The following FOXO1 variants were observed in gnomAD, a reference collection of about 807,000 sequenced individuals.
The protein encoded by FOXO1 is forkhead box O1, also known as forkhead box protein O1.
A neutral mutation model predicts 44.1 loss-of-function variants in FOXO1; 6 were observed. That is an observed-to-expected ratio of 0.14 (90% CI 0.07 to 0.27). The LOEUF is 0.27. Ranked by LOEUF, FOXO1 falls within the 10% of genes least tolerant of loss-of-function variation. The probability of loss-of-function intolerance (pLI) is 1.00; values close to 1 mark genes in which losing one functional copy is unlikely to be tolerated. For synonymous variants in FOXO1, 380 were observed against 362.7 expected, an observed-to-expected ratio of 1.05 and a Z score of -0.54; for missense variants, 737 against 888.8, an observed-to-expected ratio of 0.83 and a Z score of 2.17.
chr13:40,597,474 C>T (rs115124210), intron 1 of FOXO1, among the ~76,000 whole-genome samples: 2,385 of 152,224 alleles, frequency 0.016, 63 homozygotes, highest in African/African-American at 0.054. Flanking sequence ...TTTATCAGTC[C>T]GAGCTGCATC....
At chr13:40,579,031 A>G (rs1163969079) in intron 1 of FOXO1, among the ~76,000 whole-genome samples, 4 of 152,252 alleles carry the variant, frequency 2.6e-5, no homozygotes, top group African/African-American at 4.8e-5. Context: ...CTGACTGGAC[A>G]CATTTTTACA....
rs924995701 is a variant in FOXO1, at chr13:40,558,909, A to C, written c.*140T>G. ...CTGCCAAGTCTGACGAAAGGAAAAA[A>C]GGAGGGTTTTTTTTTTTGTTTTTTT... On this transcript the variant is annotated 3_prime_UTR_variant, in exon 3 of 3. Coordinates refer to ENST00000379561, the MANE Select transcript of FOXO1 (RefSeq NM_002015.4). The C allele has an allele frequency of 1.5e-5, 6 of 390,206 alleles. No individual in the cohort carries two copies. Among genetic ancestry groups the C allele is most frequent in the Non-Finnish European group, 2.7e-5 (6 of 224,490 alleles). The allele number at this position is 390,206 out of a possible 1,614,324, so 24.2% of individuals were successfully genotyped here. A position where few individuals can be genotyped will look rare whatever the true frequency, so the allele number is the denominator to read the frequency against.
intron 2 of FOXO1, among the ~76,000 whole-genome samples, 154 bp from the exon 3 acceptor site, chr13:40,559,188 G>A (rs1355139950): frequency 1.3e-5 from 2 of 152,034 alleles, no homozygotes; most frequent in South Asian, 2.1e-4. Flanking sequence ...ATCATTCAAT[G>A]GGGAAAATTC....
At chr13:40,648,427 A>G (rs1813809927) in intron 1 of FOXO1, among the ~76,000 whole-genome samples, 1 of 152,238 alleles carries the variant, frequency 6.6e-6, no homozygotes. Flanking sequence ...AAACTAGTCA[A>G]AAAATAAATC....
At position 40,640,117 on chromosome 13, in the gene FOXO1, A is replaced by G. The variant is rs371977360; in HGVS notation, c.630+25466T>C. On this transcript the variant is annotated intron_variant, in intron 1 of 2. Transcript: ENST00000379561. ...TCCTTGAATAAAACAAACATTAAAA[A>G]CTCTAGATAATCCTACACTAAAATA... 3.3e-5 allele frequency among the ~76,000 whole-genome samples: 5 copies of G among 152,114 alleles called. No individual in the cohort carries two copies. In the East Asian group the frequency reaches 9.6e-4, roughly 29 times the overall value.
intron 1 of FOXO1, among the ~76,000 whole-genome samples, chr13:40,609,713 G>T (rs1232728141): frequency 6.6e-6 from 1 of 152,062 alleles, no homozygotes. Context: ...CAGGGTGGGG[G>T]GGAAAAAAAT....
Position 40,665,919 on chromosome 13 carries a change from GGCCGCCGCCGCCACC to G in FOXO1, c.279_293del (p.Val94_Ala98del). 7 of 1,198,884 alleles carry G rather than the reference GGCCGCCGCCGCCACC, an allele frequency of 5.8e-6. No homozygotes were observed. The highest frequency in any genetic ancestry group is 8.3e-5 in the South Asian group (2 of 24,204). The allele number at this position is 1,198,884 out of a possible 1,614,324, so 74.3% of individuals were successfully genotyped here. A position where few individuals can be genotyped will look rare whatever the true frequency, so the allele number is the denominator to read the frequency against. ...ACAGCCCCCCGGTGGCGGCCGCGGCGGCCGCCGCCGCCACCGCCGCCGCCACGGAGCCGGGCGCCT... is the reference window on the plus strand; with the variant it reads ...ACAGCCCCCCGGTGGCGGCCGCGGCGGCCGCCGCCACGGAGCCGGGCGCCT... On this transcript the variant is annotated inframe_deletion, in exon 1 of 3. Transcript: ENST00000379561.
intron 1 of FOXO1, among the ~76,000 whole-genome samples, chr13:40,591,047 A>AC (rs964437529): frequency 1.3e-5 from 2 of 152,020 alleles, no homozygotes; most frequent in African/African-American, 4.8e-5. Flanking sequence ...CAGATGGAGG[A>AC]CCCCTTTATA....
chr13:40,555,822 G>GT lies in FOXO1; in HGVS notation c.*3226dup, dbSNP rs1873723772. ...TACAATTATAGCAAAGATTGTTCTT[G>GT]TGTCTGTAAGTACATCAACATCAGG... On this transcript the variant is annotated 3_prime_UTR_variant, in exon 3 of 3. Transcript: ENST00000379561. 6.5e-6 allele frequency: 1 copy of GT among 152,672 alleles called. No individual in the cohort carries two copies. Among genetic ancestry groups the GT allele is most frequent in the Admixed American group, 6.5e-5 (1 of 15,284 alleles). 9.5% of individuals were successfully genotyped at this position (152,672 alleles called of 1,614,324 possible).
At chr13:40,599,036 G>A (rs1875709008) in intron 1 of FOXO1, among the ~76,000 whole-genome samples, 1 of 151,852 alleles carries the variant, frequency 6.6e-6, no homozygotes, top group East Asian at 1.9e-4. Flanking sequence ...ACAATGTTTT[G>A]GGGGAAGGGA....
At chr13:40,652,924 T>A (rs1231186678) in intron 1 of FOXO1, among the ~76,000 whole-genome samples, 1 of 152,082 alleles carries the variant, frequency 6.6e-6, no homozygotes, top group Admixed American at 6.5e-5. Context: ...GGTGATTCAA[T>A]TATAATTTCT....
chr13:40,599,540 C>T (rs1346029360), intron 1 of FOXO1, among the ~76,000 whole-genome samples: 2 of 152,166 alleles, frequency 1.3e-5, no homozygotes, highest in African/African-American at 4.8e-5. Context: ...CTTACTAGCA[C>T]TTATGTTCGT....
At chr13:40,608,438 G>C (rs987478106) in intron 1 of FOXO1, among the ~76,000 whole-genome samples, 8 of 152,178 alleles carry the variant, frequency 5.3e-5, no homozygotes, top group Non-Finnish European at 1.0e-4. Flanking sequence ...GGCTGCTGCA[G>C]GGAATCTCAT....
chr13:40,662,650 G>C (rs1878075719), intron 1 of FOXO1, among the ~76,000 whole-genome samples: 1 of 152,172 alleles, frequency 6.6e-6, no homozygotes, highest in Non-Finnish European at 1.5e-5. Flanking sequence ...TTCATTAACA[G>C]TTTTCCAACT....
intron 1 of FOXO1, among the ~76,000 whole-genome samples, chr13:40,634,662 G>A (rs1296162424): frequency 6.6e-6 from 1 of 151,468 alleles, no homozygotes; most frequent in African/African-American, 2.4e-5. Flanking sequence ...AAAAAAGAAA[G>A]CAACAAAGGT....
At chr13:40,661,053 A>G (rs2137944444) in intron 1 of FOXO1, among the ~76,000 whole-genome samples, 1 of 152,346 alleles carries the variant, frequency 6.6e-6, no homozygotes, top group South Asian at 2.1e-4. Flanking sequence ...GACATGCCAC[A>G]AAACCATGCG....
intron 1 of FOXO1, among the ~76,000 whole-genome samples, chr13:40,597,308 G>A (rs2137873968): frequency 6.6e-6 from 1 of 152,280 alleles, no homozygotes; most frequent in African/African-American, 2.4e-5. Context: ...TGCCAGAGAT[G>A]AGTTCCTGGT....
At chr13:40,612,214 G>A (rs1333889536) in intron 1 of FOXO1, among the ~76,000 whole-genome samples, 1 of 152,206 alleles carries the variant, frequency 6.6e-6, no homozygotes, top group African/African-American at 2.4e-5. Context: ...AAGGGTTACA[G>A]TTATCCATCT....
At chr13:40,596,899 G>A (rs61963266) in intron 1 of FOXO1, among the ~76,000 whole-genome samples, 25,684 of 151,928 alleles carry the variant, frequency 0.17, 2,519 homozygotes, top group South Asian at 0.29. Flanking sequence ...ATCCTCCCCC[G>A]CCTTCCTACC....
Sources: gnomAD v4.1 joint callset for allele counts (sites outside exome capture counted in the v4.1 genomes callset) on GRCh38, gnomAD v4.1.1 for gene constraint, MANE v1.5 for transcripts, NCBI Gene and HGNC (gene_info 2026-07-23, HGNC 2026-07-21) for gene names.